SDR42E1: variants seen among roughly 807,000 people sequenced by gnomAD.
SDR42E1 encodes short chain dehydrogenase/reductase family 42E, member 1.
In SDR42E1, 5 loss-of-function variants were observed where a neutral mutation model predicts 2.6. The ratio of observed to expected loss-of-function variants is 1.94; its 90% CI spans 1.01 to 4.08. The LOEUF (loss-of-function observed/expected upper bound fraction) is 4.08. Among genes scored for constraint, SDR42E1 ranks in the 30% most tolerant of loss-of-function variants. The probability of loss-of-function intolerance (pLI) is 0.00; values close to 1 mark genes in which losing one functional copy is unlikely to be tolerated. For missense variants in SDR42E1, 596 were observed against 478.6 expected (o/e 1.25, Z -2.29); for synonymous variants, 231 against 188.3 (o/e 1.23, Z -1.86).
chr16:81,999,789 A>G lies in SDR42E1; in HGVS notation c.504T>C (p.Ala168=). 6.2e-7 allele frequency: 1 copy of G among 1,614,204 alleles called. No individual in the cohort carries two copies. The highest frequency in any genetic ancestry group is 8.5e-7 in the Non-Finnish European group (1 of 1,180,024). Residue 168 remains alanine (A), a synonymous_variant, in exon 3 of 3, where the codon GCT becomes GCC. Coordinates refer to ENST00000328945, the MANE Select transcript of SDR42E1 (RefSeq NM_145168.3). ...CACCGTCGCCTCTGTCCAGGGGTGT[A>G]GCATTCGCCTCCAGCACCTTCTGCT... The part of the protein sequence containing the change: ...IAEQKVLEAN[A]TPLDRGDGVL...
chr16:81,993,511 C>G lies in SDR42E1; in HGVS notation c.*5600G>C, dbSNP rs1193767980. 1 of 152,146 alleles carries G rather than the reference C, an allele frequency of 6.6e-6. No individual in the cohort carries two copies. Among genetic ancestry groups the G allele is most frequent in the East Asian group, 1.9e-4 (1 of 5,196 alleles). The allele number at this position is 152,146 out of a possible 1,614,324, so 9.4% of individuals were successfully genotyped here. On this transcript the variant is annotated 3_prime_UTR_variant, in exon 3 of 3. Transcript: ENST00000328945. ...GTGAAAGGACCGATTCCAGAGCTTC[C>G]TACTCTGCCGTTTTACATGATGTCA...
At chr16:82,010,475 C>G (rs150865742) in intron 1 of SDR42E1, among the ~76,000 whole-genome samples, 2 of 152,160 alleles carry the variant, frequency 1.3e-5, no homozygotes, top group Non-Finnish European at 2.9e-5. Flanking sequence ...CCCAAGATCA[C>G]TAAGCTAAAG....
Position 82,002,734 on chromosome 16 carries a change from T to G in SDR42E1, c.-26-1850A>C, listed in dbSNP as rs184052637. On this transcript the variant is annotated intron_variant, in intron 1 of 2. Coordinates refer to ENST00000328945, the MANE Select transcript of SDR42E1 (RefSeq NM_145168.3). ...ACCAGTTGTGTGATTTTGGACTGTGTGTTTACCACATGTGTTAAACACTCT... is the reference window on the plus strand; with the variant it reads ...ACCAGTTGTGTGATTTTGGACTGTGGGTTTACCACATGTGTTAAACACTCT... Among the ~76,000 whole-genome samples the G allele has an allele frequency of 2.2e-4, 33 of 152,326 alleles. No individual in the cohort carries two copies. In the East Asian group the frequency reaches 6.4e-3, roughly 29 times the overall value.
intron 1 of SDR42E1, among the ~76,000 whole-genome samples, chr16:82,004,104 G>T (rs1426132415): frequency 6.6e-6 from 1 of 152,148 alleles, no homozygotes; most frequent in Non-Finnish European, 1.5e-5. Flanking sequence ...AAATAAGAAA[G>T]AGGCTTCTAC....
intron 1 of SDR42E1, among the ~76,000 whole-genome samples, chr16:82,006,779 G>T (rs1033297919): frequency 6.6e-6 from 1 of 152,232 alleles, no homozygotes; most frequent in East Asian, 1.9e-4. Context: ...AGGCGACAGA[G>T]GGAGATTCCA....
chr16:81,999,606 C>T lies in SDR42E1; in HGVS notation c.687G>A (p.Val229=). Residue 229 remains valine, a synonymous_variant, in exon 3 of 3, where the codon GTG becomes GTA. Transcript: ENST00000328945. The part of the protein sequence containing the change: ...LVEFVHVDNL[V]QAHILASEAL... The stretch of plus-strand genomic sequence containing the variant: ...CTTCTGAGGCCAGAATGTGAGCCTG[C>T]ACCAAGTTATCCACGTGGACAAACT... 1.2e-6 allele frequency: 2 copies of T among 1,614,112 alleles called. No homozygotes were observed. The highest frequency in any genetic ancestry group is 1.7e-6 in the Non-Finnish European group (2 of 1,180,002).
intron 1 of SDR42E1, 104 bp downstream of exon 1, chr16:82,011,283 G>C (rs1028327487): frequency 2.0e-5 from 3 of 152,224 alleles, no homozygotes; most frequent in Admixed American, 6.5e-5. Flanking sequence ...ATTCACCACC[G>C]TCCCCCACCC....
Position 81,992,339 on chromosome 16 carries a change from C to T in SDR42E1, c.*6772G>A, listed in dbSNP as rs946338116. The T allele has an allele frequency of 6.6e-6, 1 of 152,112 alleles. No individual in the cohort carries two copies. The highest frequency in any genetic ancestry group is 1.5e-5 in the Non-Finnish European group (1 of 68,028). 9.4% of individuals were successfully genotyped at this position (152,112 alleles called of 1,614,324 possible). ...TAAATCCCCTATGAAAGGCACAGGA[C>T]TATAAATCAGTGGAGTGGGGGTGTT... On this transcript the variant is annotated 3_prime_UTR_variant, in exon 3 of 3. Transcript: ENST00000328945.
Position 81,991,676 on chromosome 16 carries a change from A to ACTCTAG in SDR42E1, c.*7429_*7434dup, listed in dbSNP as rs1482498952. ...CAGTGAGCCATGACTGTGCCACTGT[A>ACTCTAG]CTCTAGCCTGGGTGACAGACGAGAC... On this transcript the variant is annotated 3_prime_UTR_variant, in exon 3 of 3. Coordinates refer to ENST00000328945, the MANE Select transcript of SDR42E1 (RefSeq NM_145168.3). 2 of 149,170 alleles carry ACTCTAG rather than the reference A, an allele frequency of 1.3e-5. No homozygotes were observed. Among genetic ancestry groups the ACTCTAG allele is most frequent in the East Asian group, 3.9e-4 (2 of 5,098 alleles). The allele number at this position is 149,170 out of a possible 1,614,324, so 9.2% of individuals were successfully genotyped here.
At chr16:82,003,180 CT>C (rs772306407) in intron 1 of SDR42E1, among the ~76,000 whole-genome samples, 16 of 152,236 alleles carry the variant, frequency 1.1e-4, no homozygotes, top group Non-Finnish European at 2.2e-4. Flanking sequence ...CAGAGGATGG[CT>C]GATGAGTTCC....
rs1912467658 is a variant in SDR42E1 at position 81,993,243 on chromosome 16, AG to A, written c.*5867del. On this transcript the variant is annotated 3_prime_UTR_variant, in exon 3 of 3. Transcript: ENST00000328945. ...ACTGCAAAGGGAAGAGCCAAGCAGAAGTCAGGAGCCTCTCAGCATCTTGCAA... is the reference window on the plus strand; with the variant it reads ...ACTGCAAAGGGAAGAGCCAAGCAGAATCAGGAGCCTCTCAGCATCTTGCAA... The A allele has an allele frequency of 6.6e-6, 1 of 152,168 alleles. No homozygotes were observed. Among genetic ancestry groups the A allele is most frequent in the Non-Finnish European group, 1.5e-5 (1 of 68,054 alleles). The allele number at this position is 152,168 out of a possible 1,614,324, so 9.4% of individuals were successfully genotyped here. A position where few individuals can be genotyped will look rare whatever the true frequency, so the allele number is the denominator to read the frequency against.
At position 81,992,801 on chromosome 16, in the gene SDR42E1, G is replaced by T. The variant is rs962629301; in HGVS notation, c.*6310C>A. 6.6e-6 allele frequency: 1 copy of T among 151,994 alleles called. No homozygotes were observed. The highest frequency in any genetic ancestry group is 1.9e-4 in the East Asian group (1 of 5,168). 9.4% of individuals were successfully genotyped at this position (151,994 alleles called of 1,614,324 possible). ...TCGGTCATAATTACTTGAGTTCAAT[G>T]AACTCAAGTAATTATGAACGCAACT... On this transcript the variant is annotated 3_prime_UTR_variant, in exon 3 of 3. Coordinates refer to ENST00000328945, the MANE Select transcript of SDR42E1 (RefSeq NM_145168.3).
At chr16:82,009,683 G>T (rs552318553) in intron 1 of SDR42E1, among the ~76,000 whole-genome samples, 1 of 152,332 alleles carries the variant, frequency 6.6e-6, no homozygotes, top group South Asian at 2.1e-4. Flanking sequence ...GGCTTGCCTT[G>T]CCTCAGATGA....
rs1296165198 is a variant in SDR42E1 at position 81,990,506 on chromosome 16, C to G, written c.*8605G>C. 1.3e-5 allele frequency: 2 copies of G among 152,158 alleles called. No homozygotes were observed. Among genetic ancestry groups the G allele is most frequent in the Non-Finnish European group, 2.9e-5 (2 of 68,050 alleles). The allele number at this position is 152,158 out of a possible 1,614,324, so 9.4% of individuals were successfully genotyped here. On this transcript the variant is annotated 3_prime_UTR_variant, in exon 3 of 3. Transcript: ENST00000328945. ...GTCTTGCATCTCTTCCTGTAGACAC[C>G]AGCTTCCCCTCCAAACCCTTCCATC...
At position 81,993,674 on chromosome 16, in the gene SDR42E1, A is replaced by G. The variant is rs1433853903; in HGVS notation, c.*5437T>C. 2.6e-5 allele frequency: 4 copies of G among 152,172 alleles called. No individual in the cohort carries two copies. Among genetic ancestry groups the G allele is most frequent in the African/African-American group, 9.7e-5 (4 of 41,440 alleles). 9.4% of individuals were successfully genotyped at this position (152,172 alleles called of 1,614,324 possible). A position where few individuals can be genotyped will look rare whatever the true frequency, so the allele number is the denominator to read the frequency against. On this transcript the variant is annotated 3_prime_UTR_variant, in exon 3 of 3. Transcript: ENST00000328945. ...AAGGGACCACCTGGCTGATAAGTGC[A>G]TTCACCCCGTCAACAAGCATTTATT... is the stretch of plus-strand genomic sequence containing the variant.
rs1338753360 is a variant in SDR42E1 at position 81,997,657 on chromosome 16, T to C, written c.*1454A>G. The C allele has an allele frequency of 6.6e-6, 1 of 152,328 alleles. No individual in the cohort carries two copies. Among genetic ancestry groups the C allele is most frequent in the East Asian group, 1.9e-4 (1 of 5,188 alleles). 9.4% of individuals were successfully genotyped at this position (152,328 alleles called of 1,614,324 possible). ...TCACTACCATCACCTCATACTGATG[T>C]TGCAATTTATATTAGAAGTACTTTC... On this transcript the variant is annotated 3_prime_UTR_variant, in exon 3 of 3. Transcript: ENST00000328945.
In SDR42E1 at chr16:82,000,840, G is replaced by C. The variant is rs761333277; in HGVS notation, c.19C>G (p.Gln7Glu). Residue 7 changes from glutamine (Q) to glutamate (E), a missense_variant, in exon 2 of 3, where the codon CAA becomes GAA. Physicochemically the swap from Gln to Glu is conservative, Grantham distance 29. Transcript: ENST00000328945. The stretch of plus-strand genomic sequence containing the variant: ...CCTGTAATGAGGACACTTTCCTTTT[G>C]AGATCTTTTGGGGTCCATATGTGGC... MDPKRSQKESVLITGGS... is the reference protein window; with the variant it reads MDPKRSEKESVLITGGS... 4 of 1,613,746 alleles carry C rather than the reference G, an allele frequency of 2.5e-6. No individual in the cohort carries two copies. The East Asian group carries it at 6.7e-5, about 27-fold the overall frequency.
At chr16:82,001,125 G>A (rs1159426163) in intron 1 of SDR42E1, among the ~76,000 whole-genome samples, 4 of 152,178 alleles carry the variant, frequency 2.6e-5, no homozygotes, top group African/African-American at 9.7e-5. Flanking sequence ...TAATGTGGAG[G>A]TTAAATAAGA....
Position 81,990,131 on chromosome 16 carries a change from G to T in SDR42E1, c.*8980C>A, listed in dbSNP as rs1912394795. The T allele has an allele frequency of 6.6e-6, 1 of 152,302 alleles. No individual in the cohort carries two copies. The highest frequency in any genetic ancestry group is 1.5e-5 in the Non-Finnish European group (1 of 68,148). 9.4% of individuals were successfully genotyped at this position (152,302 alleles called of 1,614,324 possible). A position where few individuals can be genotyped will look rare whatever the true frequency, so the allele number is the denominator to read the frequency against. On this transcript the variant is annotated 3_prime_UTR_variant, in exon 3 of 3. Coordinates refer to ENST00000328945, the MANE Select transcript of SDR42E1 (RefSeq NM_145168.3). ...GTTTGAGACCAGCCTGGGCAAAACGGTGAGACCCTGTCTCTACAAAAGACG... is the reference window on the plus strand; with the variant it reads ...GTTTGAGACCAGCCTGGGCAAAACGTTGAGACCCTGTCTCTACAAAAGACG...
Sources: allele counts gnomAD v4.1 joint callset (sites outside exome capture counted in the v4.1 genomes callset), GRCh38; gene constraint gnomAD v4.1.1; transcripts MANE v1.5; gene names NCBI Gene and HGNC (gene_info 2026-07-23, HGNC 2026-07-21).